Variants in BIRC6 observed in about 807,000 individuals in gnomAD.
BIRC6 encodes baculoviral IAP repeat containing 6, also known as dual E2 ubiquitin-conjugating enzyme/E3 ubiquitin-protein ligase BIRC6.
A neutral mutation model predicts 503.3 loss-of-function variants in BIRC6; 98 were observed. The observed-to-expected ratio is 0.19, with a 90% CI of 0.17 to 0.23. The LOEUF (loss-of-function observed/expected upper bound fraction) is 0.23, where lower values mean the gene tolerates loss of function less well. Among genes scored for constraint, BIRC6 ranks in the 10% least tolerant of loss-of-function variants. The pLI is 1.00. For synonymous variants in BIRC6, 2,240 were observed against 2,078.7 expected (o/e 1.08, Z -2.11); for missense variants, 5,360 against 5,806.0 (o/e 0.92, Z 2.50).
intron 73 of BIRC6, among the ~76,000 whole-genome samples, chr2:32,616,560 C>CAAAA (rs201587938): frequency 3.0e-5 from 3 of 99,084 alleles, no homozygotes; most frequent in Non-Finnish European, 3.9e-5. Flanking sequence ...ACCTTGTTCT[C>CAAAA]AAAAAAAAAA....
At chr2:32,386,442 C>CTTTTTTTTTTTTTTTT (rs752857568) in intron 3 of BIRC6, among the ~76,000 whole-genome samples, 1 of 147,820 alleles carries the variant, frequency 6.8e-6, no homozygotes, top group Non-Finnish European at 1.5e-5. Context: ...AAGTCTCTCT[C>CTTTTTTTTTTTTTTTT]TCTTTTTTTT....
intron 26 of BIRC6, among the ~76,000 whole-genome samples, chr2:32,465,706 C>T (rs1473713293): frequency 9.9e-5 from 15 of 152,178 alleles, no homozygotes; most frequent in Admixed American, 9.8e-4. Context: ...TCTCTTAAAA[C>T]AGTTGGTTTT....
chr2:32,416,994 C>G (rs543609026), intron 10 of BIRC6, among the ~76,000 whole-genome samples: 1 of 151,944 alleles, frequency 6.6e-6, no homozygotes, highest in African/African-American at 2.4e-5. Context: ...TGGCACCATG[C>G]CCGGCTAATT....
At position 32,415,561 on chromosome 2, in the gene BIRC6, T is replaced by C. The variant is rs1452087757; in HGVS notation, c.2270T>C (p.Leu757Ser). Reference sequence around the variant, plus strand: ...CTGCGGACATGCCCTGTTGAATCCTTGAGTGCAATAAATCAAGTAGAGGCC... The same window carrying C: ...CTGCGGACATGCCCTGTTGAATCCTCGAGTGCAATAAATCAAGTAGAGGCC... ...VGLRTCPVES[L>S]SAINQVEALN... Residue 757 changes from leucine (L) to serine (S), a missense_variant, in exon 10 of 74, where the codon TTG (leucine) becomes TCG (serine). Transcript: ENST00000421745. The C allele has an allele frequency of 6.2e-7, 1 of 1,613,886 alleles. No homozygotes were observed. Among genetic ancestry groups the C allele is most frequent in the Non-Finnish European group, 8.5e-7 (1 of 1,179,888 alleles).
intron 3 of BIRC6, among the ~76,000 whole-genome samples, chr2:32,382,113 G>A (rs1317777341): frequency 6.6e-6 from 1 of 152,210 alleles, no homozygotes; most frequent in African/African-American, 2.4e-5. Flanking sequence ...GATAACTATA[G>A]GAAGCAGTTT....
intron 56 of BIRC6, 43 bp from the exon 57 acceptor site, chr2:32,518,774 C>T: frequency 6.3e-7 from 1 of 1,586,952 alleles, no homozygotes; most frequent in Non-Finnish European, 8.6e-7. Flanking sequence ...AATATGTATT[C>T]CAAAAAGTTA....
chr2:32,568,989 T>TC (rs201913642), intron 65 of BIRC6, among the ~76,000 whole-genome samples: 7,771 of 149,842 alleles, frequency 0.052, 367 homozygotes, highest in Non-Finnish European at 0.078. Context: ...TCTCTCTTTT[T>TC]TTTTTTTTTT....
At chr2:32,382,563 C>G (rs573666999) in intron 3 of BIRC6, among the ~76,000 whole-genome samples, 1 of 152,278 alleles carries the variant, frequency 6.6e-6, no homozygotes, top group Admixed American at 6.5e-5. Context: ...ATGCAGAGTC[C>G]TAGCCCCAAC....
At chr2:32,466,601 A>C (rs912041708) in intron 26 of BIRC6, among the ~76,000 whole-genome samples, 1 of 152,228 alleles carries the variant, frequency 6.6e-6, no homozygotes, top group Non-Finnish European at 1.5e-5. Context: ...TTGGTATTTA[A>C]ATGCATCTAG....
Position 32,464,753 on chromosome 2 carries a change from C to G in BIRC6, c.5186C>G (p.Pro1729Arg). 1 of 1,614,002 alleles carries G rather than the reference C, an allele frequency of 6.2e-7. No homozygotes were observed. The change falls in exon 25 of 74, where the codon CCA becomes CGA. Residue 1729 changes from proline to arginine, a missense_variant. Physicochemically the swap from Pro to Arg is moderately radical, Grantham distance 103. Around this residue, in one of 16 missense-constraint regions of BIRC6, gnomAD observed 2,299 missense variants for 2,267.2 expected, o/e 1.01. Transcript: ENST00000421745. ...VINAELAQLFPGSVIDPPAVN... is the reference protein window; with the variant it reads ...VINAELAQLFRGSVIDPPAVN... ...AATGCCGAACTTGCACAGCTTTTCC[C>G]AGGCTCAGTCATTGATCCCCCAGCA...
intron 1 of BIRC6, among the ~76,000 whole-genome samples, chr2:32,366,030 A>G (rs2034879062): frequency 6.6e-6 from 1 of 152,076 alleles, no homozygotes; most frequent in South Asian, 2.1e-4. Flanking sequence ...GATTACAGGC[A>G]CGTGCCACCA....
chr2:32,517,868 T>C (rs2055228078), intron 55 of BIRC6, among the ~76,000 whole-genome samples: 3 of 152,194 alleles, frequency 2.0e-5, no homozygotes, highest in African/African-American at 7.2e-5. Context: ...AGCATGACCT[T>C]GGCCTTGTTA....
intron 1 of BIRC6, among the ~76,000 whole-genome samples, chr2:32,372,024 C>T (rs1332538936): frequency 6.6e-6 from 1 of 151,892 alleles, no homozygotes; most frequent in Non-Finnish European, 1.5e-5. Context: ...AGGCTGGTCT[C>T]GAACTCCTGA....
In BIRC6 at chr2:32,493,562, C is replaced by T. The variant is rs1307229993; in HGVS notation, c.8363C>T (p.Ala2788Val). 3 of 1,610,220 alleles carry T rather than the reference C, an allele frequency of 1.9e-6. No homozygotes were observed. Among genetic ancestry groups the T allele is most frequent in the Non-Finnish European group, 2.5e-6 (3 of 1,177,536 alleles). ...TAGGTTGGTCCTACAGCTACACAAG[C>T]TATGCAAGAATTTCTTACTCGATTA... ...SPQVGPTATQ[A>V]MQEFLTRLQV... Residue 2788 changes from alanine (A) to valine (V), a missense_variant, in exon 45 of 74, where the codon GCT becomes GTT. Physicochemically the swap from Ala to Val is moderately conservative, Grantham distance 64. Around this residue, in one of 16 missense-constraint regions of BIRC6, gnomAD observed 2,299 missense variants for 2,267.2 expected, o/e 1.01. Coordinates refer to ENST00000421745, the MANE Select transcript of BIRC6 (RefSeq NM_016252.4).
At chr2:32,393,946 CTATATATATATATATA>C (rs10580859) in intron 5 of BIRC6, among the ~76,000 whole-genome samples, 1 of 145,534 alleles carries the variant, frequency 6.9e-6, no homozygotes, top group Admixed American at 6.9e-5. Flanking sequence ...AACCAGAAAA[CTATATATATATATATA>C]TATATATGAA....
At chr2:32,450,638 C>G (rs944270899) in intron 22 of BIRC6, among the ~76,000 whole-genome samples, 8 of 152,126 alleles carry the variant, frequency 5.3e-5, no homozygotes, top group Non-Finnish European at 1.5e-5. Flanking sequence ...GAGGATATCA[C>G]CATATGGCAC....
intron 66 of BIRC6, among the ~76,000 whole-genome samples, chr2:32,586,240 TTAAG>T (rs2061010014): frequency 6.6e-6 from 1 of 151,552 alleles, no homozygotes; most frequent in African/African-American, 2.4e-5. Context: ...ACTCTGTTAC[TTAAG>T]TGATTTAAAA....
chr2:32,411,436 T>G (rs145087340), intron 9 of BIRC6, among the ~76,000 whole-genome samples: 1 of 147,628 alleles, frequency 6.8e-6, no homozygotes, highest in Non-Finnish European at 1.5e-5. Flanking sequence ...TTTTATTTTT[T>G]TTTTTTAAAT....
chr2:32,361,937 G>A (rs904170280), intron 1 of BIRC6, among the ~76,000 whole-genome samples: 8 of 152,084 alleles, frequency 5.3e-5, no homozygotes, highest in African/African-American at 1.4e-4. Context: ...TTCACATACC[G>A]GAGGACATCT....
Sources: allele counts gnomAD v4.1 joint callset (sites outside exome capture counted in the v4.1 genomes callset), GRCh38; gene constraint gnomAD v4.1.1; regional missense constraint gnomAD v4.1.1; transcripts MANE v1.5; gene names NCBI Gene and HGNC (gene_info 2026-07-23, HGNC 2026-07-21).